Variants in PRDM15 observed in about 807,000 individuals in gnomAD.
PRDM15 encodes PR domain zinc finger protein 15.
In PRDM15, 64 loss-of-function variants were observed where a neutral mutation model predicts 128.6. The observed-to-expected ratio is 0.50, with a 90% CI of 0.41 to 0.61. The LOEUF is 0.61. PRDM15 is among the 20% of genes least tolerant of loss of function. The pLI, the probability that PRDM15 is intolerant of heterozygous loss-of-function variation, is 0.00. For synonymous variants in PRDM15, 615 were observed against 621.8 expected (o/e 0.99, Z 0.16); for missense variants, 1,242 against 1,569.1 (o/e 0.79, Z 3.52).
chr21:41,831,803 G>A (rs2062703018), intron 11 of PRDM15, among the ~76,000 whole-genome samples: 1 of 152,170 alleles, frequency 6.6e-6, no homozygotes, highest in Non-Finnish European at 1.5e-5. Context: ...CACAGTAGAG[G>A]TGGCCCTGTG....
intron 18 of PRDM15, among the ~76,000 whole-genome samples, chr21:41,817,003 T>G (rs1310553995): frequency 6.6e-6 from 1 of 151,982 alleles, no homozygotes; most frequent in Non-Finnish European, 1.5e-5. Context: ...TAATACACAG[T>G]CACAGAAAAC....
intron 11 of PRDM15, chr21:41,834,483 G>C (rs373973752): frequency 6.5e-7 from 1 of 1,546,906 alleles, no homozygotes; most frequent in Non-Finnish European, 8.7e-7. Context: ...GGACAAGGAC[G>C]GGGTGGGCGT....
In PRDM15 at chr21:41,862,125, G is replaced by T; in HGVS notation, c.-9-1753C>A. 5 of 738,806 alleles carry T rather than the reference G, an allele frequency of 6.8e-6. No homozygotes were observed. The highest frequency in any genetic ancestry group is 1.2e-5 in the Non-Finnish European group (5 of 423,744). The allele number at this position is 738,806 out of a possible 1,614,324, so 45.8% of individuals were successfully genotyped here. A position where few individuals can be genotyped will look rare whatever the true frequency, so the allele number is the denominator to read the frequency against. On this transcript the variant is annotated intron_variant, in intron 1 of 23. Coordinates refer to ENST00000398548, the MANE Select transcript of PRDM15 (RefSeq NM_001040424.3). The surrounding 1 kb of genome is among the most constrained non-coding windows in gnomAD (Gnocchi z 4.1). ...AGAAACCCAGAGTGGGGTGGGGAGG[G>T]CGCACGCTTTCATGAGTTGCTGCTG... is the stretch of plus-strand genomic sequence containing the variant.
intron 9 of PRDM15, 111 bp from the exon 10 acceptor site, chr21:41,836,318 A>G (rs2146582850): frequency 2.3e-6 from 3 of 1,300,044 alleles, no homozygotes; most frequent in Non-Finnish European, 3.2e-6. Context: ...CATGCGAAGG[A>G]GCTGCAGAGA....
chr21:41,827,075 T>C (rs2062495994), intron 12 of PRDM15, among the ~76,000 whole-genome samples: 2 of 152,170 alleles, frequency 1.3e-5, no homozygotes, highest in Admixed American at 1.3e-4. Context: ...GTCTGAGTAC[T>C]GTCTCCCCTG....
chr21:41,805,705 C>CCACCATCACCACCATAAG (rs1895033544), intron 21 of PRDM15, among the ~76,000 whole-genome samples: 3 of 151,864 alleles, frequency 2.0e-5, no homozygotes, highest in Non-Finnish European at 4.4e-5. Context: ...TCTACCGTCA[C>CCACCATCACCACCATAAG]CACCATCACC....
intron 22 of PRDM15, among the ~76,000 whole-genome samples, chr21:41,803,963 A>ATTTTTTTTT (rs72214468): frequency 7.5e-6 from 1 of 132,470 alleles, no homozygotes; most frequent in African/African-American, 2.8e-5. Context: ...GATTGTTCTG[A>ATTTTTTTTT]TTTTTTTTTT....
intron 21 of PRDM15, among the ~76,000 whole-genome samples, chr21:41,806,993 T>C (rs374684525): frequency 7.1e-6 from 1 of 140,132 alleles, no homozygotes; most frequent in African/African-American, 2.7e-5. Flanking sequence ...ACCTCCCCCA[T>C]CACCTCTACC....
In PRDM15 at chr21:41,810,109, G is replaced by A. The variant is rs374750485; in HGVS notation, c.2652+45C>T. On this transcript the variant is annotated intron_variant, in intron 21 of 23. Coordinates refer to ENST00000398548, the MANE Select transcript of PRDM15 (RefSeq NM_001040424.3). The surrounding 1 kb of genome is among the most constrained non-coding windows in gnomAD (Gnocchi z 6.4). ...GTGCCAGCATGGGGGTGTCCGGTGC[G>A]CGGCCCGCTGGCGGGGCACGGAGGG... 138 of 1,569,212 alleles carry A rather than the reference G, an allele frequency of 8.8e-5. No individual in the cohort carries two copies. Among genetic ancestry groups the A allele is most frequent in the African/African-American group, 2.2e-4 (16 of 74,342 alleles).
At chr21:41,812,095 A>C (rs1387568749) in intron 19 of PRDM15, 1 of 150,314 alleles carries the variant, frequency 6.7e-6, no homozygotes, top group Admixed American at 6.6e-5. Flanking sequence ...CCGCACGGCC[A>C]CTCGTGCCCA....
Position 41,828,119 on chromosome 21 carries a change from C to T in PRDM15, c.1534+47G>A. ...CTCCATGCCGCCCTGCCCCACCCCG[C>T]AGGAGCTGCCTCTCCCCGCCCGCAG... On this transcript the variant is annotated intron_variant, in intron 12 of 23. Transcript: ENST00000398548. The surrounding 1 kb of genome is among the most constrained non-coding windows in gnomAD (Gnocchi z 5.7). The T allele has an allele frequency of 6.2e-7, 1 of 1,603,868 alleles. No individual in the cohort carries two copies. The highest frequency in any genetic ancestry group is 8.5e-7 in the Non-Finnish European group (1 of 1,176,134).
intron 1 of PRDM15, among the ~76,000 whole-genome samples, chr21:41,869,634 C>T (rs1358014837): frequency 3.9e-5 from 6 of 152,008 alleles, no homozygotes; most frequent in South Asian, 4.2e-4. Flanking sequence ...TTAGTAGAGA[C>T]GGGGTTTCTC....
chr21:41,830,805 T>C (rs1187443585), intron 11 of PRDM15, among the ~76,000 whole-genome samples: 1 of 152,162 alleles, frequency 6.6e-6, no homozygotes, highest in Non-Finnish European at 1.5e-5. Flanking sequence ...TCCTGGAAGG[T>C]AGCCAGTCAA....
Position 41,879,069 on chromosome 21 carries a change from C to T in PRDM15, c.-10+201G>A, listed in dbSNP as rs1269633489. The T allele has an allele frequency of 2.1e-5, 24 of 1,133,708 alleles. No individual in the cohort carries two copies. Among genetic ancestry groups the T allele is most frequent in the Non-Finnish European group, 2.6e-5 (23 of 899,048 alleles). The allele number at this position is 1,133,708 out of a possible 1,614,324, so 70.2% of individuals were successfully genotyped here. On this transcript the variant is annotated intron_variant, in intron 1 of 23. Transcript: ENST00000398548. This position sits in a 1 kb window ranked among gnomAD's most constrained non-coding sequence, Gnocchi z 5.1. ...TCCAGCCGGGTTTTGACTCCGATCG[C>T]CAACGGTGCCCGCAGCCGGCGAATG... is the stretch of plus-strand genomic sequence containing the variant.
rs2061846574 is a variant in PRDM15, at chr21:41,811,004, A to G, written c.2393-168T>C. 5 of 596,510 alleles carry G rather than the reference A, an allele frequency of 8.4e-6. No homozygotes were observed. The highest frequency in any genetic ancestry group is 1.5e-5 in the Non-Finnish European group (5 of 332,866). The allele number at this position is 596,510 out of a possible 1,614,324, so 37.0% of individuals were successfully genotyped here. A position where few individuals can be genotyped will look rare whatever the true frequency, so the allele number is the denominator to read the frequency against. Reference sequence around the variant, plus strand: ...GCTCATCCCCAGCCTCGGCCAGCAAAGTGTGGCTTGGAAAGTTTATGCTTC... The same window carrying G: ...GCTCATCCCCAGCCTCGGCCAGCAAGGTGTGGCTTGGAAAGTTTATGCTTC... On this transcript the variant is annotated intron_variant, in intron 19 of 23. Transcript: ENST00000398548. This position sits in a 1 kb window ranked among gnomAD's most constrained non-coding sequence, Gnocchi z 4.1.
rs572312608 is a variant in PRDM15, at chr21:41,860,257, C to T, written c.37+70G>A. On this transcript the variant is annotated intron_variant, in intron 2 of 23. Transcript: ENST00000398548. ...GACGTGGCTTTGCCCAGACAGCAAG[C>T]GCCACGCCCATCTGTGTTCTATGAC... 234 of 1,224,170 alleles carry T rather than the reference C, an allele frequency of 1.9e-4. 1 individual carries two copies. The South Asian group carries it at 2.3e-3, about 12-fold the overall frequency. The allele number at this position is 1,224,170 out of a possible 1,614,324, so 75.8% of individuals were successfully genotyped here.
Position 41,836,550 on chromosome 21 carries a change from C to A in PRDM15, c.1101G>T (p.Glu367Asp), listed in dbSNP as rs2062901544. The A allele has an allele frequency of 2.5e-6, 4 of 1,613,278 alleles. No homozygotes were observed. Among genetic ancestry groups the A allele is most frequent in the African/African-American group, 1.3e-5 (1 of 74,906 alleles). The change falls in exon 9 of 24, where the codon GAG becomes GAT. Residue 367 changes from glutamate to aspartate, a missense_variant. Around this residue, in one of 3 missense-constraint regions of PRDM15, gnomAD observed 612 missense variants for 717.0 expected, o/e 0.85. Coordinates refer to ENST00000398548, the MANE Select transcript of PRDM15 (RefSeq NM_001040424.3). The stretch of plus-strand genomic sequence containing the variant: ...TATTGCACTGGTAAACCCGCTTGTG[C>A]TCCCCGAGCTGTTTGATGAGCTTGC... ...IRRKLIKQLGEHKRVYQCNIC... is the reference protein window; with the variant it reads ...IRRKLIKQLGDHKRVYQCNIC...
Position 41,821,146 on chromosome 21 carries a change from G to A in PRDM15, c.1981C>T (p.Arg661Trp), listed in dbSNP as rs746274698. 8.1e-6 allele frequency: 13 copies of A among 1,614,088 alleles called. No homozygotes were observed. The highest frequency in any genetic ancestry group is 1.3e-5 in the African/African-American group (1 of 74,928). The change falls in exon 16 of 24, where the codon CGG (arginine) becomes TGG (tryptophan). Residue 661 changes from arginine to tryptophan, a missense_variant. Coordinates refer to ENST00000398548, the MANE Select transcript of PRDM15 (RefSeq NM_001040424.3). This position sits in a 1 kb window ranked among gnomAD's most constrained non-coding sequence, Gnocchi z 5.4. The stretch of plus-strand genomic sequence containing the variant: ...TAGGTGGCCTTCAGTGCAAAGCGCC[G>A]GTTGCAGATGCTGCAGCCATAGCCC... ...EKGYGCSICN[R>W]RFALKATYHA...
At position 41,859,470 on chromosome 21, in the gene PRDM15, C is replaced by G. The variant is rs146801501; in HGVS notation, c.131+122G>C. ...CACAGTGGGAGCGGAATCGCTGGCT[C>G]TCACTCAGAGTGCCTCTGTTCTCCC... On this transcript the variant is annotated intron_variant, in intron 3 of 23. Transcript: ENST00000398548. The surrounding 1 kb of genome is among the most constrained non-coding windows in gnomAD (Gnocchi z 5.3). 1 of 811,690 alleles carries G rather than the reference C, an allele frequency of 1.2e-6. No individual in the cohort carries two copies. Among genetic ancestry groups the G allele is most frequent in the African/African-American group, 1.7e-5 (1 of 57,878 alleles). The allele number at this position is 811,690 out of a possible 1,614,324, so 50.3% of individuals were successfully genotyped here.
Sources: gnomAD v4.1 joint callset for allele counts (sites outside exome capture counted in the v4.1 genomes callset) on GRCh38, gnomAD v4.1.1 for gene constraint, gnomAD v4.1.1 regional missense constraint, Gnocchi (gnomAD v3.1) non-coding constraint, MANE v1.5 for transcripts, NCBI Gene and HGNC (gene_info 2026-07-23, HGNC 2026-07-21) for gene names.